The following COL12A1 variants were observed in gnomAD, a reference collection of about 807,000 sequenced individuals.
The protein encoded by COL12A1 is collagen type XII alpha 1 chain.
COL12A1 carries 114 observed loss-of-function variants against 349.7 expected under a neutral mutation model. The ratio of observed to expected loss-of-function variants is 0.33; its 90% CI spans 0.28 to 0.38. The LOEUF is 0.38. Among genes scored for constraint, COL12A1 ranks in the 10% least tolerant of loss-of-function variants. The probability of loss-of-function intolerance (pLI) is 1.00; values close to 1 mark genes in which losing one functional copy is unlikely to be tolerated. For missense variants in COL12A1, 3,284 were observed against 3,756.9 expected, an observed-to-expected ratio of 0.87 and a Z score of 3.29; for synonymous variants, 1,369 against 1,329.0, an observed-to-expected ratio of 1.03 and a Z score of -0.66.
At chr6:75,167,861 T>G (rs1377759588) in intron 13 of COL12A1, among the ~76,000 whole-genome samples, 1 of 152,208 alleles carries the variant, frequency 6.6e-6, no homozygotes, top group Non-Finnish European at 1.5e-5. Context: ...GGTTTATCGA[T>G]ATCCTGAAAA....
chr6:75,123,796 T>G, intron 42 of COL12A1, 152 bp downstream of exon 42: 1 of 865,132 alleles, frequency 1.2e-6, no homozygotes, highest in Non-Finnish European at 1.7e-6. Flanking sequence ...CTGAACCAGC[T>G]TTAGACTCCA....
Position 75,156,447 on chromosome 6 carries a change from T to C in COL12A1, c.3060A>G (p.Pro1020=), listed in dbSNP as rs377279173. 6.8e-6 allele frequency: 11 copies of C among 1,613,942 alleles called. No individual in the cohort carries two copies. In the Admixed American group the frequency reaches 8.3e-5, roughly 12 times the overall value. The change falls in exon 15 of 66, where the codon CCA becomes CCG. Residue 1020 remains proline, a synonymous_variant. Transcript: ENST00000322507. ...CAACACGGTAGTTGACGACTTTCCC[T>C]GGTGCTGGTTTCCATGTAACTCTCA... ...NTMRVTWKPA[P]GKVVNYRVVY... is the part of the protein sequence containing the mutation.
At chr6:75,144,065 CCTAA>C (rs1767052211) in intron 25 of COL12A1, among the ~76,000 whole-genome samples, 1 of 152,204 alleles carries the variant, frequency 6.6e-6, no homozygotes, top group Admixed American at 6.5e-5. Flanking sequence ...CATCTGTCTT[CCTAA>C]CTCTCTAGCT....
At chr6:75,107,159 T>C (rs1768609192) in intron 52 of COL12A1, among the ~76,000 whole-genome samples, 1 of 151,980 alleles carries the variant, frequency 6.6e-6, no homozygotes, top group African/African-American at 2.4e-5. Flanking sequence ...CCCAAAGTGC[T>C]AGGACTACAG....
At chr6:75,106,869 ATTTTCTTTTTTTTTTTCTT>A (rs1175262246) in intron 52 of COL12A1, among the ~76,000 whole-genome samples, 3 of 70,120 alleles carry the variant, frequency 4.3e-5, no homozygotes, top group Non-Finnish European at 6.2e-5. Context: ...TTTGTTAGGT[ATTTTCTTTTTTTTTTTCTT>A]TTTTCTTTTT....
chr6:75,115,773 G>A lies in COL12A1; in HGVS notation c.7697+11C>T, dbSNP rs1410559664. 4 of 1,584,530 alleles carry A rather than the reference G, an allele frequency of 2.5e-6. No individual in the cohort carries two copies. The East Asian group carries it at 9.0e-5, about 36-fold the overall frequency. On this transcript the variant is annotated intron_variant, in intron 49 of 65. Coordinates refer to ENST00000322507, the MANE Select transcript of COL12A1 (RefSeq NM_004370.6). ...CTTAAGAAAAGGAAAACCTCCTGTT[G>A]TCACACTTACGCTGTAGGCTGATTC...
intron 46 of COL12A1, among the ~76,000 whole-genome samples, chr6:75,117,922 T>C (rs1408194303): frequency 6.6e-6 from 1 of 152,158 alleles, no homozygotes; most frequent in East Asian, 1.9e-4. Flanking sequence ...TGGGCTTATT[T>C]TAAAATCTGG....
intron 65 of COL12A1, 36 bp from the exon 66 acceptor site, chr6:75,086,593 G>C (rs766955112): frequency 6.4e-7 from 1 of 1,570,630 alleles, no homozygotes; most frequent in East Asian, 2.3e-5. Context: ...TTTAAAAGTT[G>C]AATGACTAAG....
rs188879676 is a variant in COL12A1 at position 75,186,434 on chromosome 6, G to A, written c.997+1928C>T. ...CACAATGAGACACCATCTCACACCA[G>A]TCAGAATGGCTATTATTAAAAAGTC... On this transcript the variant is annotated intron_variant, in intron 8 of 65. Transcript: ENST00000322507. Among the ~76,000 whole-genome samples, 249 of 152,284 alleles carry A rather than the reference G, an allele frequency of 1.6e-3. 2 individuals are homozygous for A. Among genetic ancestry groups the A allele is most frequent in the Admixed American group, 4.4e-3 (67 of 15,290 alleles).
intron 31 of COL12A1, among the ~76,000 whole-genome samples, chr6:75,136,790 C>T (rs948877635): frequency 5.3e-5 from 8 of 151,980 alleles, no homozygotes; most frequent in African/African-American, 1.9e-4. Context: ...TGTAGAAAGC[C>T]CAAAACCAGA....
chr6:75,161,431 G>A (rs1768020719), intron 14 of COL12A1, among the ~76,000 whole-genome samples: 1 of 151,872 alleles, frequency 6.6e-6, no homozygotes, highest in African/African-American at 2.4e-5. Flanking sequence ...TCAGCAGTTG[G>A]TTACTTTTGC....
rs180809881 is a variant in COL12A1 at position 75,109,623 on chromosome 6, C to T, written c.7951-456G>A. On this transcript the variant is annotated intron_variant, in intron 51 of 65. Coordinates refer to ENST00000322507, the MANE Select transcript of COL12A1 (RefSeq NM_004370.6). The stretch of plus-strand genomic sequence containing the variant: ...TTCCCCAATCTCAGGCAGAAATAAT[C>T]TGCATACCATATAGATACCTCATAC... Among the ~76,000 whole-genome samples the T allele has an allele frequency of 2.6e-5, 4 of 152,230 alleles. No homozygotes were observed. In the East Asian group the frequency reaches 7.7e-4, roughly 29 times the overall value.
At chr6:75,131,792 A>G in intron 35 of COL12A1, 148 bp downstream of exon 35, 1 of 867,506 alleles carries the variant, frequency 1.2e-6, no homozygotes, top group East Asian at 2.7e-5. Flanking sequence ...CCTATAATTA[A>G]TACACCTACC....
chr6:75,178,584 A>G (rs999627595), intron 11 of COL12A1, among the ~76,000 whole-genome samples: 6 of 152,212 alleles, frequency 3.9e-5, no homozygotes, highest in Admixed American at 6.5e-5. Context: ...ATTATGCCCA[A>G]ATGAGAACAT....
At chr6:75,143,765 A>G (rs1020253095) in intron 25 of COL12A1, among the ~76,000 whole-genome samples, 4 of 152,312 alleles carry the variant, frequency 2.6e-5, no homozygotes, top group Non-Finnish European at 5.9e-5. Context: ...AACAAAATCA[A>G]TAGAGTTATG....
At chr6:75,096,120 TG>T (rs1211261563) in intron 59 of COL12A1, among the ~76,000 whole-genome samples, 2 of 152,218 alleles carry the variant, frequency 1.3e-5, no homozygotes, top group African/African-American at 4.8e-5. Context: ...CCAGACATTT[TG>T]GCCCTATATT....
At chr6:75,139,631 C>T (rs1295569055) in intron 27 of COL12A1, among the ~76,000 whole-genome samples, 1 of 152,148 alleles carries the variant, frequency 6.6e-6, no homozygotes, top group Admixed American at 6.5e-5. Flanking sequence ...CAGTGAATTC[C>T]AATCTAGGAA....
intron 8 of COL12A1, among the ~76,000 whole-genome samples, chr6:75,187,333 G>A (rs1199634466): frequency 2.0e-5 from 3 of 151,750 alleles, no homozygotes; most frequent in Admixed American, 6.6e-5. Context: ...AGACACTAAA[G>A]AGAAATGTGA....
chr6:75,203,818 G>A (rs139241429), intron 1 of COL12A1, among the ~76,000 whole-genome samples: 11 of 152,294 alleles, frequency 7.2e-5, no homozygotes, highest in African/African-American at 2.6e-4. Flanking sequence ...AGTTGCCAGT[G>A]GCAAAACATA....
Sources: allele counts gnomAD v4.1 joint callset (sites outside exome capture counted in the v4.1 genomes callset), GRCh38; gene constraint gnomAD v4.1.1; transcripts MANE v1.5; gene names NCBI Gene and HGNC (gene_info 2026-07-23, HGNC 2026-07-21).